Variants in BICRAL observed in about 807,000 individuals in gnomAD.
BICRAL encodes the protein BRD4-interacting chromatin-remodeling complex-associated protein-like.
In BICRAL, 8 loss-of-function variants were observed where a neutral mutation model predicts 91.8. That is an observed-to-expected ratio of 0.09 (90% CI 0.05 to 0.16). The LOEUF is 0.16. Ranked by LOEUF, BICRAL falls within the 10% of genes least tolerant of loss-of-function variation. The pLI is 1.00. For synonymous variants in BICRAL, 445 were observed against 491.1 expected (o/e 0.91, Z 1.24); for missense variants, 1,038 against 1,310.9 (o/e 0.79, Z 3.21).
At chr6:42,758,022 A>G (rs1762487603) in intron 1 of BICRAL, among the ~76,000 whole-genome samples, 1 of 152,192 alleles carries the variant, frequency 6.6e-6, no homozygotes, top group Admixed American at 6.5e-5. Context: ...ATAGTCTTCC[A>G]AACGGGGGAT....
At chr6:42,814,360 T>C (rs1763916812) in intron 2 of BICRAL, among the ~76,000 whole-genome samples, 1 of 144,426 alleles carries the variant, frequency 6.9e-6, no homozygotes, top group South Asian at 2.2e-4. Context: ...GCTATATACA[T>C]ACACATATGT....
intron 11 of BICRAL, 106 bp downstream of exon 11, chr6:42,860,462 C>T: frequency 1.5e-6 from 1 of 666,046 alleles, no homozygotes. Flanking sequence ...GTAAAAGTAA[C>T]AGATATTTCA....
chr6:42,865,580 G>T lies in BICRAL; in HGVS notation c.*134G>T. On this transcript the variant is annotated 3_prime_UTR_variant, in exon 13 of 13. Transcript: ENST00000314073. ...CAGCCTGCTTGATCTTTCATCACAG[G>T]TTATTCTTTCTAATCTCAATCCTGT... 1 of 612,710 alleles carries T rather than the reference G, an allele frequency of 1.6e-6. No homozygotes were observed. 38.0% of individuals were successfully genotyped at this position (612,710 alleles called of 1,614,324 possible).
intron 10 of BICRAL, 44 bp downstream of exon 10, chr6:42,857,280 A>G (rs373117855): frequency 3.3e-6 from 5 of 1,535,388 alleles, no homozygotes; most frequent in East Asian, 2.3e-5. Context: ...ATACCAGGAA[A>G]CCCTCCATGG....
intron 6 of BICRAL, among the ~76,000 whole-genome samples, chr6:42,840,386 G>T (rs1044765159): frequency 6.6e-6 from 1 of 151,868 alleles, no homozygotes; most frequent in Non-Finnish European, 1.5e-5. Context: ...GAGAGTACAG[G>T]CATGTGCCAC....
At chr6:42,802,592 G>A (rs554697655) in intron 1 of BICRAL, among the ~76,000 whole-genome samples, 1 of 152,188 alleles carries the variant, frequency 6.6e-6, no homozygotes, top group Non-Finnish European at 1.5e-5. Flanking sequence ...GGGATTACAG[G>A]CACACACCAG....
rs1765732839 is a variant in BICRAL, at chr6:42,867,139, T to A, written c.*1693T>A. 4.2e-6 allele frequency: 1 copy of A among 237,352 alleles called. No individual in the cohort carries two copies. Among genetic ancestry groups the A allele is most frequent in the Non-Finnish European group, 8.5e-6 (1 of 117,300 alleles). 14.7% of individuals were successfully genotyped at this position (237,352 alleles called of 1,614,324 possible). ...ATGGGGATGACCCCCATTGTCATCA[T>A]GTTGGGCATTTCTTTTCCAGATTGG... On this transcript the variant is annotated 3_prime_UTR_variant, in exon 13 of 13. Transcript: ENST00000314073.
intron 6 of BICRAL, among the ~76,000 whole-genome samples, chr6:42,843,560 G>A (rs995323970): frequency 1.3e-5 from 2 of 152,174 alleles, no homozygotes; most frequent in African/African-American, 4.8e-5. Context: ...ACTTGTGATT[G>A]ATTGGGCATA....
intron 1 of BICRAL, among the ~76,000 whole-genome samples, chr6:42,763,901 T>G (rs1762593673): frequency 7.0e-6 from 1 of 143,530 alleles, no homozygotes; most frequent in Non-Finnish European, 1.5e-5. Flanking sequence ...GAAATGCATT[T>G]AGTGCATTAA....
intron 6 of BICRAL, among the ~76,000 whole-genome samples, chr6:42,851,313 G>A (rs1216377418): frequency 6.6e-6 from 1 of 152,166 alleles, no homozygotes; most frequent in Admixed American, 6.5e-5. Flanking sequence ...CTTGAGCCCA[G>A]GAGTTTGAGA....
chr6:42,855,964 G>A (rs1404030549), intron 9 of BICRAL, 47 bp downstream of exon 9: 1 of 1,426,872 alleles, frequency 7.0e-7, no homozygotes, highest in Admixed American at 1.7e-5. Flanking sequence ...CACTTCTTTG[G>A]GTCCCTAGCC....
chr6:42,829,969 G>A lies in BICRAL; in HGVS notation c.1636G>A (p.Ala546Thr), dbSNP rs1265002979. The A allele has an allele frequency of 1.2e-6, 2 of 1,614,082 alleles. No homozygotes were observed. Among genetic ancestry groups the A allele is most frequent in the African/African-American group, 2.7e-5 (2 of 74,934 alleles). ...TAGTCGGTTCCCTGCTGTCAGCTCAGCCAGCACTGCCCATCCTAGTCTTGG... is the reference window on the plus strand; with the variant it reads ...TAGTCGGTTCCCTGCTGTCAGCTCAACCAGCACTGCCCATCCTAGTCTTGG... ...GPSRFPAVSS[A>T]STAHPSLGSA... Residue 546 changes from alanine (A) to threonine (T), a missense_variant, in exon 6 of 13, where the codon GCC becomes ACC. This residue lies in a region of BICRAL where 532 missense variants were observed against 724.9 expected (regional missense o/e 0.73). Transcript: ENST00000314073.
chr6:42,823,574 G>A (rs1764204226), intron 5 of BICRAL, among the ~76,000 whole-genome samples: 2 of 151,906 alleles, frequency 1.3e-5, no homozygotes, highest in Admixed American at 1.3e-4. Context: ...AATCATTTGA[G>A]CTCAGGAGTT....
intron 6 of BICRAL, among the ~76,000 whole-genome samples, chr6:42,833,296 C>T (rs1410985636): frequency 6.6e-6 from 1 of 152,130 alleles, no homozygotes; most frequent in African/African-American, 2.4e-5. Context: ...GATCCACCTG[C>T]TTCAGCCTCC....
At chr6:42,769,097 G>A (rs1762682286) in intron 1 of BICRAL, among the ~76,000 whole-genome samples, 2 of 152,218 alleles carry the variant, frequency 1.3e-5, no homozygotes, top group South Asian at 2.1e-4. Context: ...TCACAGTTCT[G>A]TGGGTCAGGA....
intron 1 of BICRAL, among the ~76,000 whole-genome samples, chr6:42,802,667 G>C (rs1763611585): frequency 6.6e-6 from 1 of 152,074 alleles, no homozygotes; most frequent in Non-Finnish European, 1.5e-5. Context: ...GGCTGGTCTT[G>C]AACTTCTGAC....
At chr6:42,794,432 TGTGTGTGTGTGTGTG>T (rs1763363546) in intron 1 of BICRAL, among the ~76,000 whole-genome samples, 5 of 150,960 alleles carry the variant, frequency 3.3e-5, no homozygotes, top group African/African-American at 1.2e-4. Flanking sequence ...TGTGTGTGTG[TGTGTGTGTGTGTGTG>T]TGTGTGTTTG....
rs747543344 is a variant in BICRAL at position 42,843,554 on chromosome 6, GTGAT to G, written c.1840-8531_1840-8528del. On this transcript the variant is annotated intron_variant, in intron 6 of 12. Coordinates refer to ENST00000314073, the MANE Select transcript of BICRAL (RefSeq NM_001393499.1). ...GAGACAACTAGGTTAGATAGAACTT[GTGAT>G]TGATTGGGCATAGTGGAAGGATAAG... is the stretch of plus-strand genomic sequence containing the variant. Among the ~76,000 whole-genome samples the G allele has an allele frequency of 2.1e-3, 327 of 152,268 alleles. 1 individual carries two copies. Among genetic ancestry groups the G allele is most frequent in the Admixed American group, 3.3e-3 (51 of 15,264 alleles).
Position 42,829,863 on chromosome 6 carries a change from C to G in BICRAL, c.1530C>G (p.His510Gln). Residue 510 changes from histidine (H) to glutamine (Q), a missense_variant, in exon 6 of 13, where the codon CAC (histidine) becomes CAG (glutamine). By Grantham distance (24) the His-to-Gln change is conservative. Around this residue, in one of 5 missense-constraint regions of BICRAL, gnomAD observed 532 missense variants for 724.9 expected, o/e 0.73. Transcript: ENST00000314073. ...PLQQASPTVL[H>Q]LSPGQSSVSQ... Reference sequence around the variant, plus strand: ...AGCAGGCATCCCCAACTGTATTACACCTGTCACCTGGGCAGAGCAGCGTTT... The same window carrying G: ...AGCAGGCATCCCCAACTGTATTACAGCTGTCACCTGGGCAGAGCAGCGTTT... 1 of 1,614,214 alleles carries G rather than the reference C, an allele frequency of 6.2e-7. No individual in the cohort carries two copies. Among genetic ancestry groups the G allele is most frequent in the Non-Finnish European group, 8.5e-7 (1 of 1,180,044 alleles).
Sources: gnomAD v4.1 joint callset for allele counts (sites outside exome capture counted in the v4.1 genomes callset) on GRCh38, gnomAD v4.1.1 for gene constraint, gnomAD v4.1.1 regional missense constraint, MANE v1.5 for transcripts, NCBI Gene and HGNC (gene_info 2026-07-23, HGNC 2026-07-21) for gene names.